The following MDGA2 variants were observed in gnomAD, a reference collection of about 807,000 sequenced individuals.
The protein encoded by MDGA2 is MAM domain-containing glycosylphosphatidylinositol anchor protein 2.
MDGA2 carries 40 observed loss-of-function variants against 117.8 expected under a neutral mutation model. The ratio of observed to expected loss-of-function variants is 0.34; its 90% CI spans 0.26 to 0.44. The LOEUF (loss-of-function observed/expected upper bound fraction) is 0.44, where lower values mean the gene tolerates loss of function less well. MDGA2 is among the 20% of genes least tolerant of loss of function. The probability of loss-of-function intolerance (pLI) is 1.00; values close to 1 mark genes in which losing one functional copy is unlikely to be tolerated. For missense variants in MDGA2, 1,123 were observed against 1,250.6 expected (o/e 0.90, Z 1.54); for synonymous variants, 452 against 439.0 (o/e 1.03, Z -0.37).
chr14:47,072,289 G>T lies in MDGA2; in HGVS notation c.1196-10711C>A, dbSNP rs189204903. 2.0e-5 allele frequency among the ~76,000 whole-genome samples: 3 copies of T among 152,144 alleles called. No individual in the cohort carries two copies. In the East Asian group the frequency reaches 5.8e-4, roughly 29 times the overall value. ...AGAGACATTATAGAAAGCTTATATTGTACCTATACACAGTGAAAATACAAT... is the reference window on the plus strand; with the variant it reads ...AGAGACATTATAGAAAGCTTATATTTTACCTATACACAGTGAAAATACAAT... On this transcript the variant is annotated intron_variant, in intron 6 of 16. Coordinates refer to ENST00000399232, the MANE Select transcript of MDGA2 (RefSeq NM_001113498.3).
intron 5 of MDGA2, among the ~76,000 whole-genome samples, chr14:47,103,815 T>C (rs1880477453): frequency 1.3e-5 from 2 of 152,262 alleles, no homozygotes; most frequent in Admixed American, 6.5e-5. Flanking sequence ...CAGTGATGAA[T>C]GCCTTTAGGC....
chr14:47,597,653 T>C (rs1436340561), intron 1 of MDGA2, among the ~76,000 whole-genome samples: 1 of 152,100 alleles, frequency 6.6e-6, no homozygotes, highest in Non-Finnish European at 1.5e-5. Flanking sequence ...TGAATCACAA[T>C]AGACCTTTGC....
At chr14:47,578,028 T>C (rs150564277) in intron 1 of MDGA2, among the ~76,000 whole-genome samples, 3 of 152,252 alleles carry the variant, frequency 2.0e-5, no homozygotes, top group East Asian at 3.9e-4. Flanking sequence ...CAAATGTCCA[T>C]CAATGATAGA....
chr14:47,354,251 C>A (rs2138354711), intron 1 of MDGA2, among the ~76,000 whole-genome samples: 1 of 152,148 alleles, frequency 6.6e-6, no homozygotes, highest in Middle Eastern at 3.4e-3. Context: ...ACAAGGATGC[C>A]CATTCTCACC....
At chr14:47,017,054 C>A (rs1045568650) in intron 8 of MDGA2, among the ~76,000 whole-genome samples, 19 of 151,602 alleles carry the variant, frequency 1.3e-4, no homozygotes, top group Non-Finnish European at 1.0e-4. Context: ...TATGATATTG[C>A]ATATCTATTT....
intron 1 of MDGA2, among the ~76,000 whole-genome samples, chr14:47,600,390 C>T (rs985916307): frequency 4.6e-5 from 7 of 151,936 alleles, no homozygotes; most frequent in African/African-American, 9.7e-5. Flanking sequence ...GCGGCAATCA[C>T]GCCACCACAC....
chr14:47,259,884 T>C (rs539949645), intron 2 of MDGA2, among the ~76,000 whole-genome samples: 19 of 152,162 alleles, frequency 1.2e-4, no homozygotes, highest in African/African-American at 4.6e-4. Flanking sequence ...GAAGACTCAA[T>C]GTTGCCACCA....
intron 2 of MDGA2, among the ~76,000 whole-genome samples, chr14:47,242,209 T>C (rs554837716): frequency 6.6e-6 from 1 of 152,068 alleles, no homozygotes; most frequent in Non-Finnish European, 1.5e-5. Flanking sequence ...ACGTAGTTAT[T>C]CAATGGTTTG....
intron 1 of MDGA2, among the ~76,000 whole-genome samples, chr14:47,588,500 C>A (rs997726539): frequency 2.0e-5 from 3 of 151,744 alleles, no homozygotes; most frequent in Non-Finnish European, 4.4e-5. Flanking sequence ...GGATATCTTT[C>A]CATATGCCTA....
intron 1 of MDGA2, among the ~76,000 whole-genome samples, chr14:47,411,505 A>G (rs1243880901): frequency 6.6e-6 from 1 of 152,156 alleles, no homozygotes; most frequent in African/African-American, 2.4e-5. Context: ...AAGCTTACCC[A>G]TATTTTTCTC....
chr14:47,433,694 A>T (rs1892843313), intron 1 of MDGA2, among the ~76,000 whole-genome samples: 1 of 152,152 alleles, frequency 6.6e-6, no homozygotes, highest in Admixed American at 6.6e-5. Flanking sequence ...TTCCATGAAA[A>T]TGGAATAAAG....
At chr14:47,044,788 TGTG>T (rs1162680519) in intron 7 of MDGA2, among the ~76,000 whole-genome samples, 2 of 152,192 alleles carry the variant, frequency 1.3e-5, no homozygotes, top group Admixed American at 1.3e-4. Context: ...TACCACAGCA[TGTG>T]CATTTGGAAG....
intron 8 of MDGA2, among the ~76,000 whole-genome samples, chr14:46,987,380 T>C (rs1886899162): frequency 6.6e-6 from 1 of 152,108 alleles, no homozygotes; most frequent in South Asian, 2.1e-4. Context: ...CACAAAAATG[T>C]CTAATGTACA....
chr14:47,378,400 G>A (rs1476162708), intron 1 of MDGA2, among the ~76,000 whole-genome samples: 2 of 151,670 alleles, frequency 1.3e-5, no homozygotes, highest in African/African-American at 2.4e-5. Context: ...TCAGACGATC[G>A]GTAATAAGAA....
chr14:47,287,893 C>G (rs991618530), intron 2 of MDGA2, among the ~76,000 whole-genome samples: 1 of 152,028 alleles, frequency 6.6e-6, no homozygotes, highest in Non-Finnish European at 1.5e-5. Context: ...CATGTGATAA[C>G]AGAGGCAGAG....
chr14:47,644,054 C>T (rs1330968830), intron 1 of MDGA2, among the ~76,000 whole-genome samples: 5 of 152,178 alleles, frequency 3.3e-5, no homozygotes, highest in African/African-American at 9.6e-5. Context: ...AGCATCTATA[C>T]GCCTACTGTA....
At chr14:47,673,544 C>G (rs1334069294) in intron 1 of MDGA2, among the ~76,000 whole-genome samples, 1 of 151,980 alleles carries the variant, frequency 6.6e-6, no homozygotes, top group African/African-American at 2.4e-5. Flanking sequence ...CCCACCAGAC[C>G]TCAAAAACAC....
At chr14:47,389,804 G>A (rs1891852589) in intron 1 of MDGA2, among the ~76,000 whole-genome samples, 1 of 152,188 alleles carries the variant, frequency 6.6e-6, no homozygotes, top group South Asian at 2.1e-4. Flanking sequence ...ACTTTAAAAT[G>A]CCCAAGGGTA....
chr14:46,931,085 C>T (rs1001247076), intron 9 of MDGA2, among the ~76,000 whole-genome samples: 11 of 151,724 alleles, frequency 7.3e-5, no homozygotes, highest in Middle Eastern at 3.4e-3. Context: ...CATGGTGGCA[C>T]GCACCTGTAA....
Sources: gnomAD v4.1 joint callset for allele counts (sites outside exome capture counted in the v4.1 genomes callset) on GRCh38, gnomAD v4.1.1 for gene constraint, MANE v1.5 for transcripts, NCBI Gene and HGNC (gene_info 2026-07-23, HGNC 2026-07-21) for gene names.